The following AFF3 variants were observed in gnomAD, a reference collection of about 807,000 sequenced individuals.
AFF3 encodes AF4/FMR2 family member 3.
AFF3 carries 32 observed loss-of-function variants against 129.7 expected under a neutral mutation model. The observed-to-expected ratio is 0.25, with a 90% CI of 0.19 to 0.33. The LOEUF is 0.33. Ranked by LOEUF, AFF3 falls within the 10% of genes least tolerant of loss-of-function variation. The pLI, the probability that AFF3 is intolerant of heterozygous loss-of-function variation, is 1.00. For missense variants in AFF3, 1,373 were observed against 1,592.0 expected, an observed-to-expected ratio of 0.86 and a Z score of 2.34; for synonymous variants, 644 against 635.4, an observed-to-expected ratio of 1.01 and a Z score of -0.20.
intron 11 of AFF3, among the ~76,000 whole-genome samples, chr2:99,698,905 G>A (rs1385806145): frequency 4.6e-5 from 7 of 152,118 alleles, no homozygotes; most frequent in Non-Finnish European, 1.0e-4. Context: ...TTATTTTGAT[G>A]TTAATATTTA....
intron 8 of AFF3, among the ~76,000 whole-genome samples, chr2:99,775,210 T>C (rs541825406): frequency 6.6e-6 from 1 of 152,318 alleles, no homozygotes; most frequent in Non-Finnish European, 1.5e-5. Context: ...AGAAACACCA[T>C]TTGACCCAGC....
intron 11 of AFF3, among the ~76,000 whole-genome samples, chr2:99,709,567 A>C (rs1677710839): frequency 6.6e-6 from 1 of 152,236 alleles, no homozygotes; most frequent in South Asian, 2.1e-4. Context: ...ATTTTAAAAA[A>C]ATTATAAATA....
At chr2:99,805,826 A>ACACACG (rs1179590760) in intron 8 of AFF3, among the ~76,000 whole-genome samples, 3 of 151,484 alleles carry the variant, frequency 2.0e-5, no homozygotes, top group African/African-American at 7.3e-5. Context: ...ACACACACAC[A>ACACACG]CACACACACA....
At chr2:99,914,534 T>C (rs1695326255) in intron 7 of AFF3, among the ~76,000 whole-genome samples, 1 of 152,178 alleles carries the variant, frequency 6.6e-6, no homozygotes, top group Non-Finnish European at 1.5e-5. Context: ...TGTATTCATG[T>C]TAACTTCTGG....
intron 8 of AFF3, among the ~76,000 whole-genome samples, chr2:99,754,928 G>A (rs1189474437): frequency 6.6e-6 from 1 of 152,138 alleles, no homozygotes; most frequent in Non-Finnish European, 1.5e-5. Context: ...TTAGGGTATC[G>A]GCTCTGGCTG....
intron 11 of AFF3, chr2:99,707,416 T>G (rs1677503479): frequency 1.0e-6 from 1 of 985,262 alleles, no homozygotes; most frequent in South Asian, 4.7e-5. Context: ...GGTAAATTCC[T>G]CTTCGTATCA....
chr2:100,057,730 G>T (rs912926870), intron 4 of AFF3, among the ~76,000 whole-genome samples: 54 of 152,096 alleles, frequency 3.6e-4, no homozygotes, highest in Non-Finnish European at 1.3e-4. Flanking sequence ...TCTTGACAAA[G>T]AAATCTTTGT....
chr2:100,046,504 G>T (rs1685848192), intron 4 of AFF3, among the ~76,000 whole-genome samples: 2 of 152,194 alleles, frequency 1.3e-5, no homozygotes, highest in South Asian at 4.1e-4. Flanking sequence ...GGACTGGGCT[G>T]CAGTTTAGGT....
intron 10 of AFF3, among the ~76,000 whole-genome samples, chr2:99,743,451 T>C (rs989486952): frequency 6.6e-6 from 1 of 152,200 alleles, no homozygotes; most frequent in Non-Finnish European, 1.5e-5. Context: ...TCTTTGTGAG[T>C]GTGCTTTTAG....
intron 8 of AFF3, among the ~76,000 whole-genome samples, chr2:99,809,580 C>T (rs919947249): frequency 6.6e-6 from 1 of 152,238 alleles, no homozygotes; most frequent in African/African-American, 2.4e-5. Flanking sequence ...AGCCACCACA[C>T]ACCTTTGCCT....
At chr2:99,774,819 G>T (rs184319137) in intron 8 of AFF3, among the ~76,000 whole-genome samples, 2 of 152,174 alleles carry the variant, frequency 1.3e-5, no homozygotes, top group East Asian at 3.9e-4. Context: ...CTACAGAATG[G>T]GAGAAAATTT....
chr2:99,774,578 T>C (rs867126971), intron 8 of AFF3, among the ~76,000 whole-genome samples: 5 of 152,054 alleles, frequency 3.3e-5, no homozygotes, highest in Middle Eastern at 3.4e-3. Flanking sequence ...TTACACCATA[T>C]ACAAAAAATC....
intron 7 of AFF3, among the ~76,000 whole-genome samples, chr2:99,996,564 T>C: frequency 7.0e-6 from 1 of 142,688 alleles, no homozygotes; most frequent in Non-Finnish European, 1.5e-5. Context: ...GTATTTTTAG[T>C]AGAGACGGGG....
In AFF3 at chr2:99,548,061, TGA is replaced by T. The variant is rs1332784433; in HGVS notation, c.*3411_*3412del. On this transcript the variant is annotated 3_prime_UTR_variant, in exon 25 of 25. Coordinates refer to ENST00000672756, the MANE Select transcript of AFF3 (RefSeq NM_001386135.1). ...CTCTCTCCAGGCACGATTCTGCACA[TGA>T]GTCTGATCTGTGTAGAGTAGTATCA... is the stretch of plus-strand genomic sequence containing the variant. 4 of 208,304 alleles carry T rather than the reference TGA, an allele frequency of 1.9e-5. No individual in the cohort carries two copies. The Admixed American group carries it at 2.4e-4, about 12-fold the overall frequency. 12.9% of individuals were successfully genotyped at this position (208,304 alleles called of 1,614,324 possible).
rs1693343568 is a variant in AFF3 at position 99,889,107 on chromosome 2, T to G, written c.874-51583A>C. Among the ~76,000 whole-genome samples the G allele has an allele frequency of 2.6e-5, 4 of 152,332 alleles. No homozygotes were observed. The South Asian group carries it at 8.3e-4, about 32-fold the overall frequency. On this transcript the variant is annotated intron_variant, in intron 7 of 24. Transcript: ENST00000672756. ...AAAGCACTGATTTATCAATTCTTTC[T>G]TTTTCTTATATTCTAGACAGATTTT...
chr2:99,731,371 TTC>T (rs1399002423), intron 10 of AFF3, among the ~76,000 whole-genome samples: 3 of 152,192 alleles, frequency 2.0e-5, no homozygotes, highest in Non-Finnish European at 4.4e-5. Context: ...TTTTTATTAG[TTC>T]TGTTATTATT....
chr2:99,629,247 G>A (rs775647070), intron 13 of AFF3, among the ~76,000 whole-genome samples: 2 of 152,160 alleles, frequency 1.3e-5, no homozygotes, highest in Non-Finnish European at 2.9e-5. Context: ...ACCCAGTACT[G>A]CTCTCACTAG....
At chr2:99,637,121 A>T (rs1683744971) in intron 13 of AFF3, among the ~76,000 whole-genome samples, 1 of 152,236 alleles carries the variant, frequency 6.6e-6, no homozygotes, top group South Asian at 2.1e-4. Context: ...GGGCTCTTAA[A>T]GCCAGAGAGA....
intron 4 of AFF3, among the ~76,000 whole-genome samples, chr2:100,010,466 C>T (rs757894540): frequency 5.9e-5 from 9 of 152,062 alleles, no homozygotes; most frequent in African/African-American, 9.7e-5. Context: ...GCACCTAAGG[C>T]ATTTAATTTA....
Sources: gnomAD v4.1 joint callset for allele counts (sites outside exome capture counted in the v4.1 genomes callset) on GRCh38, gnomAD v4.1.1 for gene constraint, MANE v1.5 for transcripts, NCBI Gene and HGNC (gene_info 2026-07-23, HGNC 2026-07-21) for gene names.